Variants in FAM234A observed in about 807,000 individuals in gnomAD.
The protein encoded by FAM234A is protein FAM234A.
FAM234A carries 42 observed loss-of-function variants against 49.1 expected under a neutral mutation model. The ratio of observed to expected loss-of-function variants is 0.86; its 90% CI spans 0.67 to 1.11. The LOEUF (loss-of-function observed/expected upper bound fraction) is 1.11, where lower values mean the gene tolerates loss of function less well. FAM234A is among the 50% of genes least tolerant of loss of function. The pLI, the probability that FAM234A is intolerant of heterozygous loss-of-function variation, is 0.00. For missense variants in FAM234A, 815 were observed against 745.2 expected (o/e 1.09, Z -1.09); for synonymous variants, 369 against 316.2 (o/e 1.17, Z -1.77).
intron 11 of FAM234A, 77 bp downstream of exon 11, chr16:264,248 C>T: frequency 7.1e-7 from 1 of 1,407,402 alleles, no homozygotes; most frequent in Non-Finnish European, 9.5e-7. Context: ...CCGTGGAGTG[C>T]CCAGAAGCTC....
At chr16:244,854 A>ATTTTTTTT (rs1203898846) in intron 1 of FAM234A, among the ~76,000 whole-genome samples, 4 of 147,266 alleles carry the variant, frequency 2.7e-5, no homozygotes, top group Admixed American at 6.8e-5. Flanking sequence ...CGCCCGGCTA[A>ATTTTTTTT]TTTTTTTTTG....
At chr16:263,159 G>T in intron 8 of FAM234A, 103 bp from the exon 9 acceptor site, 1 of 1,363,130 alleles carries the variant, frequency 7.3e-7, no homozygotes, top group Non-Finnish European at 1.0e-6. Flanking sequence ...GGGTTATGGG[G>T]GCCTAAGAGG....
intron 9 of FAM234A, 76 bp from the exon 10 acceptor site, chr16:263,624 C>T (rs988769374): frequency 9.0e-6 from 12 of 1,328,432 alleles, no homozygotes; most frequent in African/African-American, 5.8e-5. Context: ...GAGGGGCGGA[C>T]GTGTTCCTGG....
chr16:268,454 AC>A, downstream of FAM234A: 1 of 436,220 alleles, frequency 2.3e-6, no homozygotes, highest in South Asian at 2.5e-5. Context: ...AGCCAGCTGT[AC>A]CTTCACCCAG....
intron 1 of FAM234A, among the ~76,000 whole-genome samples, chr16:244,172 G>GTTA (rs1448460378): frequency 6.6e-6 from 1 of 152,096 alleles, no homozygotes. Flanking sequence ...GTTTCACCGT[G>GTTA]TTAGCTAGGA....
chr16:244,021 T>G (rs1274870067), intron 1 of FAM234A, among the ~76,000 whole-genome samples: 2 of 151,378 alleles, frequency 1.3e-5, no homozygotes, highest in African/African-American at 4.9e-5. Flanking sequence ...CAGGCTGGAG[T>G]GCAGTGGTGC....
At chr16:264,209 C>T (rs528590536) in intron 11 of FAM234A, 38 bp downstream of exon 11, 42 of 1,553,494 alleles carry the variant, frequency 2.7e-5, no homozygotes, top group African/African-American at 2.6e-4. Context: ...TGCTGGGAGC[C>T]GGGGCCAGAG....
rs1008005525 is a variant in FAM234A, at chr16:264,996, C to T, written c.1633C>T (p.Arg545Trp). ...CCAAGCCATCAGGGACCGGTTCTCC[C>T]GGCTGCGGTACCAGAGTGAGGCGTA... ...SDQAIRDRFS[R>W]LRYQSEA The change falls in exon 13 of 13, where the codon CGG (arginine) becomes TGG (tryptophan). Residue 545 changes from arginine to tryptophan, a missense_variant. Transcript: ENST00000399932. The T allele has an allele frequency of 4.5e-5, 73 of 1,610,152 alleles. No individual in the cohort carries two copies. The highest frequency in any genetic ancestry group is 6.6e-5 in the South Asian group (6 of 90,886).
rs576691423 is a variant in FAM234A at position 262,864 on chromosome 16, G to A, written c.971+311G>A. On this transcript the variant is annotated intron_variant, in intron 8 of 12. Transcript: ENST00000399932. Reference sequence around the variant, plus strand: ...AGACGGAGTCTTGCCCTGTCCCCCAGGCTGGAGTGCAGTGGTGCGATCTCG... The same window carrying A: ...AGACGGAGTCTTGCCCTGTCCCCCAAGCTGGAGTGCAGTGGTGCGATCTCG... Among the ~76,000 whole-genome samples, 4 of 147,972 alleles carry A rather than the reference G, an allele frequency of 2.7e-5. No individual in the cohort carries two copies. In the South Asian group the frequency reaches 6.4e-4, roughly 24 times the overall value.
At chr16:268,097 A>G (rs2051755487), downstream of FAM234A, among the ~76,000 whole-genome samples, 1 of 145,614 alleles carries the variant, frequency 6.9e-6, no homozygotes, top group African/African-American at 2.6e-5. Context: ...CTTGTGCCTC[A>G]GTGCTACACA....
chr16:255,260 G>A (rs2051185840), intron 3 of FAM234A, among the ~76,000 whole-genome samples: 1 of 152,202 alleles, frequency 6.6e-6, no homozygotes, highest in Admixed American at 6.5e-5. Context: ...AACGTGCTGG[G>A]ATTACAGGTG....
At chr16:238,779 A>G (rs1275002988) in intron 1 of FAM234A, among the ~76,000 whole-genome samples, 7 of 140,844 alleles carry the variant, frequency 5.0e-5, no homozygotes, top group African/African-American at 1.6e-4. Flanking sequence ...AAAAAAAAAA[A>G]AAAAAAAGAA....
intron 1 of FAM234A, among the ~76,000 whole-genome samples, chr16:243,709 C>T (rs930596381): frequency 1.9e-4 from 29 of 152,288 alleles, no homozygotes; most frequent in African/African-American, 6.7e-4. Context: ...GAATTCCTGA[C>T]CAGCTTTTTA....
At position 260,138 on chromosome 16, in the gene FAM234A, C is replaced by T. The variant is rs372933829; in HGVS notation, c.555C>T (p.Phe185=). ...TCCTGGTGGGCAGACCCAGTTCTTT[C>T]ATTGCAGTCAACTTGTTCACAGGTA... ...ACILVGRPSS[F]IAVNLFTGET... Residue 185 remains phenylalanine (F), a synonymous_variant, in exon 5 of 13, where the codon TTC becomes TTT. Coordinates refer to ENST00000399932, the MANE Select transcript of FAM234A (RefSeq NM_032039.4). 92 of 1,613,622 alleles carry T rather than the reference C, an allele frequency of 5.7e-5. No individual in the cohort carries two copies. Among genetic ancestry groups the T allele is most frequent in the Non-Finnish European group, 7.5e-5 (89 of 1,180,028 alleles).
intron 2 of FAM234A, 23 bp from the exon 3 acceptor site, chr16:254,358 G>A (rs1188943169): frequency 1.3e-6 from 2 of 1,595,638 alleles, no homozygotes; most frequent in East Asian, 2.2e-5. Flanking sequence ...TGGCCTCGCC[G>A]ACCTCTTGCT....
chr16:248,517 T>C (rs1379346425), intron 1 of FAM234A: 1 of 151,992 alleles, frequency 6.6e-6, no homozygotes, highest in Non-Finnish European at 1.5e-5. Context: ...CTTATCCACA[T>C]AGAGAATACT....
At chr16:268,693 G>C (rs748252038), downstream of FAM234A, 22 of 1,428,262 alleles carry the variant, frequency 1.5e-5, no homozygotes, top group Admixed American at 2.0e-5. Flanking sequence ...GAACGCGTTT[G>C]GCGAGGGAGG....
At position 264,113 on chromosome 16, in the gene FAM234A, AC is replaced by A; in HGVS notation, c.1288del (p.His430ThrfsTer68). ...CTGTCCGCCAGCCTGCCGACCGCAGACCACCGCTCAGCCTTCTTCTTCTGGG... is the reference window on the plus strand; with the variant it reads ...CTGTCCGCCAGCCTGCCGACCGCAGACACCGCTCAGCCTTCTTCTTCTGGG... ...GPLSASLPTA[D>X]HRSAFFFWGL... On this transcript the variant is annotated frameshift_variant, in exon 11 of 13. Coordinates refer to ENST00000399932, the MANE Select transcript of FAM234A (RefSeq NM_032039.4). LOFTEE classifies it high-confidence loss of function. 1 of 1,611,264 alleles carries A rather than the reference AC, an allele frequency of 6.2e-7. No individual in the cohort carries two copies. The highest frequency in any genetic ancestry group is 1.1e-5 in the South Asian group (1 of 90,996).
chr16:265,487 C>T lies in FAM234A; in HGVS notation c.*465C>T, dbSNP rs1419293689. The T allele has an allele frequency of 1.0e-6, 1 of 990,890 alleles. No individual in the cohort carries two copies. Among genetic ancestry groups the T allele is most frequent in the Non-Finnish European group, 1.2e-6 (1 of 833,738 alleles). The allele number at this position is 990,890 out of a possible 1,614,324, so 61.4% of individuals were successfully genotyped here. On this transcript the variant is annotated 3_prime_UTR_variant, in exon 13 of 13. Coordinates refer to ENST00000399932, the MANE Select transcript of FAM234A (RefSeq NM_032039.4). ...CTGTAGAAGTCCATTCCCCTTTTCC[C>T]TCCTGTGCTCTGTCCCCCAAGGAGT...
Sources: gnomAD v4.1 joint callset for allele counts (sites outside exome capture counted in the v4.1 genomes callset) on GRCh38, gnomAD v4.1.1 for gene constraint, MANE v1.5 for transcripts, NCBI Gene and HGNC (gene_info 2026-07-23, HGNC 2026-07-21) for gene names.